CTBP2: variants seen among roughly 807,000 people sequenced by gnomAD.
CTBP2 encodes C-terminal binding protein 2.
Under a neutral mutation model 80.3 loss-of-function variants are expected in CTBP2, and 30 were observed. The observed-to-expected ratio is 0.37, with a 90% CI of 0.28 to 0.51. The LOEUF (loss-of-function observed/expected upper bound fraction) is 0.51. CTBP2 is among the 20% of genes least tolerant of loss of function. The pLI, the probability that CTBP2 is intolerant of heterozygous loss-of-function variation, is 0.93. For missense variants in CTBP2, 1,212 were observed against 1,375.3 expected (o/e 0.88, Z 1.88); for synonymous variants, 594 against 587.4 (o/e 1.01, Z -0.16).
upstream of CTBP2, among the ~76,000 whole-genome samples, chr10:125,029,562 C>T (rs1271971844): frequency 6.6e-6 from 1 of 152,114 alleles, no homozygotes; most frequent in Admixed American, 6.6e-5. Context: ...GCCTGGCCAG[C>T]GCCTCAGGAT....
At chr10:125,020,144 C>A (rs1956895159) in intron 1 of CTBP2, among the ~76,000 whole-genome samples, 1 of 152,196 alleles carries the variant, frequency 6.6e-6, no homozygotes, top group South Asian at 2.1e-4. Flanking sequence ...GCTCCGCAAA[C>A]CTTCCAGGAA....
intron 1 of CTBP2, among the ~76,000 whole-genome samples, chr10:125,113,738 T>C (rs573652494): frequency 1.2e-4 from 19 of 152,200 alleles, no homozygotes; most frequent in Non-Finnish European, 2.8e-4. Flanking sequence ...TGGGTACAGG[T>C]TCTAATTTGA....
chr10:125,060,150 C>T (rs1030423987), intron 2 of CTBP2, among the ~76,000 whole-genome samples: 3 of 152,158 alleles, frequency 2.0e-5, no homozygotes, highest in Non-Finnish European at 2.9e-5. Flanking sequence ...TGTGGCCACG[C>T]AGCTGATGTA....
intron 2 of CTBP2, among the ~76,000 whole-genome samples, chr10:125,087,794 A>G (rs914699486): frequency 1.3e-5 from 2 of 152,216 alleles, no homozygotes; most frequent in African/African-American, 4.8e-5. Flanking sequence ...CAGCATGTAC[A>G]TGCTCTCTCT....
chr10:125,109,388 A>ATGGT (rs1239562789), intron 2 of CTBP2, among the ~76,000 whole-genome samples: 11 of 152,288 alleles, frequency 7.2e-5, no homozygotes, highest in Admixed American at 6.5e-4. Flanking sequence ...AGCACCCAAC[A>ATGGT]CTGGAACTAT....
At chr10:125,125,745 G>A (rs377375031) in intron 1 of CTBP2, among the ~76,000 whole-genome samples, 137 of 152,308 alleles carry the variant, frequency 9.0e-4, no homozygotes, top group African/African-American at 3.0e-3. Context: ...GCTGTACCTC[G>A]GTAGCAGAGA....
intron 2 of CTBP2, among the ~76,000 whole-genome samples, chr10:125,075,179 A>G (rs1444557555): frequency 1.3e-4 from 20 of 152,268 alleles, no homozygotes; most frequent in Non-Finnish European, 2.6e-4. Context: ...AAGTAAGAAC[A>G]TATTTCAGTA....
In CTBP2 at chr10:124,994,601, C is replaced by T. The variant is rs1953206215; in HGVS notation, c.2268G>A (p.Gly756=). 1 of 1,614,118 alleles carries T rather than the reference C, an allele frequency of 6.2e-7. No individual in the cohort carries two copies. The highest frequency in any genetic ancestry group is 2.2e-5 in the East Asian group (1 of 44,888). ...TCTGCACGCCCAGGGACCGCTCGATCCCATCCTGCAAGTAGGGGTCATAAA... is the reference window on the plus strand; with the variant it reads ...TCTGCACGCCCAGGGACCGCTCGATTCCATCCTGCAAGTAGGGGTCATAAA... Residue 756 remains glycine, a synonymous_variant, in exon 5 of 9, where the codon GGG becomes GGA. Transcript: ENST00000309035.
chr10:125,133,343 C>T (rs150968606), intron 1 of CTBP2, among the ~76,000 whole-genome samples: 26 of 152,334 alleles, frequency 1.7e-4, no homozygotes, highest in Non-Finnish European at 2.6e-4. Flanking sequence ...CCTCCTCAGA[C>T]CTGCTCACCT....
chr10:125,157,482 G>C (rs2133513877), intron 1 of CTBP2, among the ~76,000 whole-genome samples: 1 of 152,068 alleles, frequency 6.6e-6, no homozygotes, highest in Admixed American at 6.5e-5. Flanking sequence ...CACCTAGTCA[G>C]GTTCAAAACA....
At chr10:125,009,948 G>A (rs1955678944) in intron 1 of CTBP2, among the ~76,000 whole-genome samples, 1 of 152,084 alleles carries the variant, frequency 6.6e-6, no homozygotes, top group South Asian at 2.1e-4. Context: ...GTCAGACGTG[G>A]GATCTAAACA....
chr10:125,027,478 G>C lies in CTBP2; in HGVS notation c.282C>G (p.Ser94Arg). The C allele has an allele frequency of 5.6e-6, 9 of 1,614,176 alleles. No homozygotes were observed. Among genetic ancestry groups the C allele is most frequent in the Admixed American group, 1.7e-5 (1 of 60,030 alleles). The change falls in exon 1 of 9, where the codon AGC becomes AGG. Residue 94 changes from serine (S) to arginine (R), a missense_variant. Around this residue, in one of 3 missense-constraint regions of CTBP2, gnomAD observed 848 missense variants for 782.3 expected, o/e 1.08. Transcript: ENST00000309035. ...TGCGACCAGACATCACTGCCTGTCT[G>C]CTGTCGTAGAAGGTGAAGTCAGGAG...
At position 125,119,032 on chromosome 10, in the gene CTBP2, G is replaced by A. The variant is rs866009425; in HGVS notation, c.-205-7939C>T. Among the ~76,000 whole-genome samples the A allele has an allele frequency of 3.9e-5, 6 of 152,304 alleles. No individual in the cohort carries two copies. The South Asian group carries it at 1.0e-3, about 26-fold the overall frequency. On this transcript the variant is annotated intron_variant, in intron 1 of 10. Coordinates refer to the CTBP2 transcript ENST00000337195. ...CTGGGGCATCCTGGTGTCAGGCTCC[G>A]GTCTTGCTTTCTCCCTGATAGGGTG...
At chr10:125,086,610 A>G (rs956475424) in intron 2 of CTBP2, among the ~76,000 whole-genome samples, 1 of 90,290 alleles carries the variant, frequency 1.1e-5, no homozygotes, top group Non-Finnish European at 2.2e-5. Context: ...GCAAAATTTT[A>G]TTTAAAAAAA....
rs1952171312 is a variant in CTBP2 at position 124,988,596 on chromosome 10, TACAA to T, written c.*918_*921del. On this transcript the variant is annotated 3_prime_UTR_variant, in exon 9 of 9. Coordinates refer to ENST00000309035, the MANE Select transcript of CTBP2 (RefSeq NM_022802.3). ...ATGAATAGAACATGTAACTAGTTGATACAAATCTAATAGGATTTGTTAAAATCAG... is the reference window on the plus strand; with the variant it reads ...ATGAATAGAACATGTAACTAGTTGATATCTAATAGGATTTGTTAAAATCAG... 1 of 152,700 alleles carries T rather than the reference TACAA, an allele frequency of 6.5e-6. No homozygotes were observed. The highest frequency in any genetic ancestry group is 1.5e-5 in the Non-Finnish European group (1 of 68,052). 9.5% of individuals were successfully genotyped at this position (152,700 alleles called of 1,614,324 possible). A position where few individuals can be genotyped will look rare whatever the true frequency, so the allele number is the denominator to read the frequency against.
At chr10:125,113,450 T>C (rs984112556) in intron 1 of CTBP2, among the ~76,000 whole-genome samples, 11 of 152,242 alleles carry the variant, frequency 7.2e-5, no homozygotes, top group Non-Finnish European at 1.0e-4. Context: ...GAATCAAATA[T>C]TTAATTAACT....
At chr10:125,086,460 C>A (rs1374787320) in intron 2 of CTBP2, among the ~76,000 whole-genome samples, 3 of 151,988 alleles carry the variant, frequency 2.0e-5, no homozygotes, top group East Asian at 3.9e-4. Context: ...GGAGAAAATA[C>A]AAAAATTTGC....
chr10:125,145,542 TA>T (rs1423548477), intron 1 of CTBP2, among the ~76,000 whole-genome samples: 2 of 152,144 alleles, frequency 1.3e-5, no homozygotes, highest in African/African-American at 4.8e-5. Flanking sequence ...TGCTAGCACT[TA>T]TCTGCTCCCT....
chr10:125,003,519 G>C, intron 1 of CTBP2, 27 bp from the exon 4 acceptor site: 2 of 1,516,914 alleles, frequency 1.3e-6, no homozygotes, highest in Non-Finnish European at 1.8e-6. Flanking sequence ...GGTGAGCACA[G>C]TGGGTGGGTG....
Sources: allele counts gnomAD v4.1 joint callset (sites outside exome capture counted in the v4.1 genomes callset), GRCh38; gene constraint gnomAD v4.1.1; regional missense constraint gnomAD v4.1.1; transcripts MANE v1.5; gene names NCBI Gene and HGNC (gene_info 2026-07-23, HGNC 2026-07-21).